Variants in PDSS2 observed in about 807,000 individuals in gnomAD.
The protein encoded by PDSS2 is decaprenyl diphosphate synthase subunit 2, also known as all trans-polyprenyl-diphosphate synthase PDSS2.
Under a neutral mutation model 44.5 loss-of-function variants are expected in PDSS2, and 31 were observed. The observed-to-expected ratio is 0.70, with a 90% CI of 0.52 to 0.94. The LOEUF (loss-of-function observed/expected upper bound fraction) is 0.94. Ranked by LOEUF, PDSS2 falls within the 40% of genes least tolerant of loss-of-function variation. The pLI is 0.00. For missense variants in PDSS2, 452 were observed against 482.2 expected (o/e 0.94, Z 0.59); for synonymous variants, 157 against 180.3 (o/e 0.87, Z 1.03).
chr6:107,212,313 AGACT>A, intron 4 of PDSS2, 31 bp from the exon 5 acceptor site: 1 of 1,511,468 alleles, frequency 6.6e-7, no homozygotes, highest in Admixed American at 1.8e-5. Flanking sequence ...AAGATAAAAA[AGACT>A]TTAGGAGTAA....
At chr6:107,162,664 G>A (rs1771190246) in intron 7 of PDSS2, among the ~76,000 whole-genome samples, 1 of 131,182 alleles carries the variant, frequency 7.6e-6, no homozygotes, top group South Asian at 2.4e-4. Flanking sequence ...CTAGAGTGCA[G>A]TGGCGCAATC....
rs147322241 is a variant in PDSS2, at chr6:107,203,220, C to T, written c.1008+7219G>A. On this transcript the variant is annotated intron_variant, in intron 6 of 7. Transcript: ENST00000369037. ...AAGTTAAACCAGTCTTTCCACTTAA[C>T]TTTCCTATTTCTATTAATGGCTTAA... is the stretch of plus-strand genomic sequence containing the variant. 2.7e-3 allele frequency among the ~76,000 whole-genome samples: 404 copies of T among 152,260 alleles called. 2 individuals carry two copies. Among genetic ancestry groups the T allele is most frequent in the African/African-American group, 9.3e-3 (385 of 41,548 alleles).
chr6:107,373,671 C>T (rs558381114), intron 1 of PDSS2, among the ~76,000 whole-genome samples: 1 of 152,298 alleles, frequency 6.6e-6, no homozygotes, highest in African/African-American at 2.4e-5. Context: ...CTCCCTTAAG[C>T]CACCTGCTAG....
intron 6 of PDSS2, among the ~76,000 whole-genome samples, chr6:107,194,406 C>T (rs1197440530): frequency 1.3e-5 from 2 of 152,082 alleles, no homozygotes; most frequent in Admixed American, 6.6e-5. Flanking sequence ...AAAATAAAAG[C>T]CATGCTTCTT....
intron 1 of PDSS2, among the ~76,000 whole-genome samples, chr6:107,443,673 C>A (rs1005157675): frequency 6.6e-6 from 1 of 152,156 alleles, no homozygotes; most frequent in Non-Finnish European, 1.5e-5. Flanking sequence ...GTGCAGTCTA[C>A]CCCACACTAC....
chr6:107,197,184 G>A (rs371377152), intron 6 of PDSS2, among the ~76,000 whole-genome samples: 2 of 142,994 alleles, frequency 1.4e-5, no homozygotes, highest in East Asian at 4.5e-4. Context: ...GGTCGTGGGA[G>A]CCCCACTTTA....
chr6:107,411,879 C>CTTTTT (rs145161415), intron 1 of PDSS2, among the ~76,000 whole-genome samples: 11 of 93,864 alleles, frequency 1.2e-4, no homozygotes, highest in South Asian at 3.8e-4. Flanking sequence ...TCTTCTTCTT[C>CTTTTT]TTTTTTTTTT....
At chr6:107,344,357 G>A (rs1036339131) in intron 1 of PDSS2, among the ~76,000 whole-genome samples, 1 of 152,020 alleles carries the variant, frequency 6.6e-6, no homozygotes, top group Admixed American at 6.6e-5. Flanking sequence ...AGAACTGGAG[G>A]TTAATTTCCA....
chr6:107,409,820 T>C (rs941563479), intron 1 of PDSS2, among the ~76,000 whole-genome samples: 3 of 152,158 alleles, frequency 2.0e-5, no homozygotes, highest in African/African-American at 7.2e-5. Flanking sequence ...CATTAAACAT[T>C]CTCAATGAAG....
At chr6:107,158,186 CT>C (rs35734800) in intron 7 of PDSS2, among the ~76,000 whole-genome samples, 62,837 of 136,558 alleles carry the variant, frequency 0.46, 15,146 homozygotes, top group Non-Finnish European at 0.56. Context: ...GGTTTTCTTT[CT>C]TTTTTTTTTT....
Position 107,306,588 on chromosome 6 carries a change from T to C in PDSS2, c.431+27610A>G, listed in dbSNP as rs533078890. Among the ~76,000 whole-genome samples the C allele has an allele frequency of 2.6e-5, 4 of 152,322 alleles. No homozygotes were observed. The East Asian group carries it at 7.7e-4, about 29-fold the overall frequency. On this transcript the variant is annotated intron_variant, in intron 2 of 7. Transcript: ENST00000369037. ...ATGACAAAATAAAACCAGGTAGTAC[T>C]GAATAATCAGATCCTTTTATGATGC... is the stretch of plus-strand genomic sequence containing the variant.
chr6:107,389,057 G>T (rs1451632891), intron 1 of PDSS2, among the ~76,000 whole-genome samples: 1 of 152,184 alleles, frequency 6.6e-6, no homozygotes, highest in Admixed American at 6.5e-5. Context: ...ATCAGTGGTT[G>T]CCAGGGGTTG....
At chr6:107,157,698 T>TCTCC (rs1161567635) in intron 7 of PDSS2, among the ~76,000 whole-genome samples, 21 of 149,190 alleles carry the variant, frequency 1.4e-4, no homozygotes, top group African/African-American at 4.7e-4. Context: ...TTAGACAGAG[T>TCTCC]CTCCCTCTAT....
At chr6:107,422,584 A>G (rs1177273124) in intron 1 of PDSS2, among the ~76,000 whole-genome samples, 1 of 152,088 alleles carries the variant, frequency 6.6e-6, no homozygotes, top group East Asian at 1.9e-4. Context: ...AAAGAGGATA[A>G]TTAACTGTAT....
At chr6:107,159,754 A>G (rs1582711819) in intron 7 of PDSS2, among the ~76,000 whole-genome samples, 1 of 151,978 alleles carries the variant, frequency 6.6e-6, no homozygotes, top group African/African-American at 2.4e-5. Flanking sequence ...CTCCAAATTG[A>G]TATTAGGCAG....
intron 4 of PDSS2, among the ~76,000 whole-genome samples, chr6:107,241,951 T>C (rs1316853222): frequency 6.6e-6 from 1 of 152,184 alleles, no homozygotes; most frequent in Non-Finnish European, 1.5e-5. Context: ...GAGGAGCCTC[T>C]CTTCCCACAT....
intron 7 of PDSS2, among the ~76,000 whole-genome samples, chr6:107,158,194 T>C (rs1770980235): frequency 6.6e-6 from 1 of 150,916 alleles, no homozygotes; most frequent in Admixed American, 6.6e-5. Flanking sequence ...TTCTTTTTTT[T>C]TTTTTTTTCG....
chr6:107,239,928 C>T (rs1774362840), intron 4 of PDSS2, among the ~76,000 whole-genome samples: 1 of 152,212 alleles, frequency 6.6e-6, no homozygotes, highest in South Asian at 2.1e-4. Context: ...AGGCGTGAGC[C>T]ACCGTGCCTG....
At chr6:107,164,843 C>T (rs1461869987) in intron 7 of PDSS2, among the ~76,000 whole-genome samples, 4 of 151,820 alleles carry the variant, frequency 2.6e-5, no homozygotes, top group African/African-American at 9.7e-5. Flanking sequence ...TTCCTGACTT[C>T]TTAATGATCG....
Sources: gnomAD v4.1 joint callset for allele counts (sites outside exome capture counted in the v4.1 genomes callset) on GRCh38, gnomAD v4.1.1 for gene constraint, MANE v1.5 for transcripts, NCBI Gene and HGNC (gene_info 2026-07-23, HGNC 2026-07-21) for gene names.